The following MACO1 variants were observed in gnomAD, a reference collection of about 807,000 sequenced individuals.
MACO1 encodes macoilin.
In MACO1, 14 loss-of-function variants were observed where a neutral mutation model predicts 78.7. The observed-to-expected ratio is 0.18, with a 90% confidence interval of 0.12 to 0.28. The LOEUF is 0.28. MACO1 is among the 10% of genes least tolerant of loss of function. The pLI, the probability that MACO1 is intolerant of heterozygous loss-of-function variation, is 1.00. For synonymous variants in MACO1, 288 were observed against 291.6 expected (o/e 0.99, Z 0.12); for missense variants, 501 against 799.0 (o/e 0.63, Z 4.50).
chr1:25,457,197 T>A (rs1400920156), intron 5 of MACO1, among the ~76,000 whole-genome samples: 2 of 152,014 alleles, frequency 1.3e-5, no homozygotes, highest in Non-Finnish European at 2.9e-5. Flanking sequence ...CTCAAACTCC[T>A]GGGAGCAAAG....
intron 8 of MACO1, among the ~76,000 whole-genome samples, chr1:25,487,718 C>T (rs944867355): frequency 6.6e-6 from 1 of 152,128 alleles, no homozygotes; most frequent in African/African-American, 2.4e-5. Flanking sequence ...ATGCGTAGCC[C>T]CTCAAAAGTG....
chr1:25,472,061 A>G (rs2043276080), intron 6 of MACO1, among the ~76,000 whole-genome samples: 1 of 152,166 alleles, frequency 6.6e-6, no homozygotes, highest in Non-Finnish European at 1.5e-5. Flanking sequence ...TCAGCCAGGA[A>G]CAGGGAAGAT....
intron 6 of MACO1, among the ~76,000 whole-genome samples, chr1:25,462,996 G>A (rs965240665): frequency 2.0e-5 from 3 of 152,154 alleles, no homozygotes; most frequent in African/African-American, 7.2e-5. Context: ...CAGTGGCAGG[G>A]CTGAATAGCT....
chr1:25,460,612 C>T (rs908260235), intron 6 of MACO1, among the ~76,000 whole-genome samples: 1 of 151,980 alleles, frequency 6.6e-6, no homozygotes, highest in South Asian at 2.1e-4. Context: ...CGCCATGTTG[C>T]CCAGGCTGAC....
At chr1:25,496,322 A>AT (rs979802014) in intron 10 of MACO1, among the ~76,000 whole-genome samples, 2 of 151,820 alleles carry the variant, frequency 1.3e-5, no homozygotes, top group African/African-American at 4.8e-5. Context: ...TAATTTTTGT[A>AT]TTTTTTGTAG....
Position 25,484,260 on chromosome 1 carries a change from G to A in MACO1, c.1299G>A (p.Glu433=). 1 of 1,611,192 alleles carries A rather than the reference G, an allele frequency of 6.2e-7. No individual in the cohort carries two copies. The highest frequency in any genetic ancestry group is 1.1e-5 in the South Asian group (1 of 90,648). The change falls in exon 7 of 11, where the codon GAG becomes GAA. Residue 433 remains glutamate, a synonymous_variant. Coordinates refer to ENST00000374343, the MANE Select transcript of MACO1 (RefSeq NM_018202.6). ...SEMGQLRQEN[E]LLQNKLHNAV... ...TGGGCCAGCTTCGGCAGGAGAACGA[G>A]CTGCTGCAGAACAAGTACGTGCACC... is the stretch of plus-strand genomic sequence containing the variant.
intron 4 of MACO1, 93 bp downstream of exon 4, chr1:25,454,475 T>A: frequency 6.2e-6 from 1 of 160,574 alleles, no homozygotes; most frequent in African/African-American, 3.8e-5. Context: ...TGTGTGTATA[T>A]ATATATATAT....
chr1:25,433,655 G>A (rs775013841), intron 1 of MACO1, among the ~76,000 whole-genome samples: 2 of 152,118 alleles, frequency 1.3e-5, no homozygotes, highest in Non-Finnish European at 2.9e-5. Flanking sequence ...GGTGAAAAGC[G>A]CACTGGACTG....
Position 25,448,858 on chromosome 1 carries a change from C to T in MACO1, c.273C>T (p.Cys91=), listed in dbSNP as rs1296049027. The T allele has an allele frequency of 6.4e-7, 1 of 1,562,998 alleles. No individual in the cohort carries two copies. Among genetic ancestry groups the T allele is most frequent in the South Asian group, 1.2e-5 (1 of 82,104 alleles). The change falls in exon 3 of 11, where the codon TGC becomes TGT. Residue 91 remains cysteine (C), a synonymous_variant. Transcript: ENST00000374343. ...TAGCATTCACGTCAAATATAATATG[C>T]CTGCTGTTCATCCCCATACAGTGGC... The part of the protein sequence containing the change: ...VCVAFTSNII[C]LLFIPIQWLF...
At chr1:25,446,068 A>G (rs1368069183) in intron 1 of MACO1, among the ~76,000 whole-genome samples, 1 of 152,174 alleles carries the variant, frequency 6.6e-6, no homozygotes, top group African/African-American at 2.4e-5. Flanking sequence ...ACACAAGTCC[A>G]GAGGGAACTG....
At chr1:25,473,053 T>C (rs1378595778) in intron 6 of MACO1, among the ~76,000 whole-genome samples, 1 of 152,196 alleles carries the variant, frequency 6.6e-6, no homozygotes, top group East Asian at 1.9e-4. Context: ...GTAAGTTTAG[T>C]GTGTTTTCTG....
chr1:25,461,923 A>G (rs186869693), intron 6 of MACO1, among the ~76,000 whole-genome samples: 31 of 152,304 alleles, frequency 2.0e-4, no homozygotes, highest in African/African-American at 7.2e-4. Flanking sequence ...AAAGAGTTTA[A>G]AAGGAAAAGC....
At chr1:25,455,407 AG>A (rs2043110259) in intron 4 of MACO1, among the ~76,000 whole-genome samples, 1 of 152,234 alleles carries the variant, frequency 6.6e-6, no homozygotes, top group African/African-American at 2.4e-5. Flanking sequence ...CAAAATAAAC[AG>A]TAATCAACTA....
At chr1:25,472,592 A>C (rs1037519007) in intron 6 of MACO1, among the ~76,000 whole-genome samples, 1 of 152,168 alleles carries the variant, frequency 6.6e-6, no homozygotes, top group Non-Finnish European at 1.5e-5. Flanking sequence ...CTTTCTCTCT[A>C]ATGCTACAGA....
In MACO1 at chr1:25,485,568, G is replaced by A; in HGVS notation, c.1314-45G>A. Reference sequence around the variant, plus strand: ...GATGTTTCTCAAGGGTTTATAGTGGGCATTTGTAATTTTAAGACTTTATAT... The same window carrying A: ...GATGTTTCTCAAGGGTTTATAGTGGACATTTGTAATTTTAAGACTTTATAT... On this transcript the variant is annotated intron_variant, in intron 7 of 10. Transcript: ENST00000374343. This position sits in a 1 kb window ranked among gnomAD's most constrained non-coding sequence, Gnocchi z 4.3. 6.3e-7 allele frequency: 1 copy of A among 1,580,864 alleles called. No individual in the cohort carries two copies. Among genetic ancestry groups the A allele is most frequent in the Non-Finnish European group, 8.6e-7 (1 of 1,163,170 alleles).
intron 3 of MACO1, among the ~76,000 whole-genome samples, chr1:25,453,004 A>ATT (rs1246920699): frequency 1.7e-4 from 20 of 118,214 alleles, no homozygotes; most frequent in African/African-American, 3.6e-4. Flanking sequence ...CCTACAGTGA[A>ATT]TTTTTTTTTT....
intron 1 of MACO1, among the ~76,000 whole-genome samples, chr1:25,438,102 A>G (rs560212320): frequency 1.3e-5 from 2 of 152,334 alleles, no homozygotes; most frequent in Admixed American, 1.3e-4. Flanking sequence ...TATAGACCAC[A>G]GAGATATCAA....
At chr1:25,450,166 T>TTGA (rs1201003306) in intron 3 of MACO1, among the ~76,000 whole-genome samples, 4 of 152,214 alleles carry the variant, frequency 2.6e-5, no homozygotes, top group African/African-American at 9.6e-5. Flanking sequence ...CTTTAGAGAT[T>TTGA]TAAAGACACT....
chr1:25,497,270 C>T (rs1267368540), intron 10 of MACO1, among the ~76,000 whole-genome samples: 2 of 151,762 alleles, frequency 1.3e-5, no homozygotes, highest in African/African-American at 4.8e-5. Flanking sequence ...ATCCCAGCTA[C>T]TCAGGAGGCT....
Sources: gnomAD v4.1 joint callset for allele counts (sites outside exome capture counted in the v4.1 genomes callset) on GRCh38, gnomAD v4.1.1 for gene constraint, Gnocchi (gnomAD v3.1) non-coding constraint, MANE v1.5 for transcripts, NCBI Gene and HGNC (gene_info 2026-07-23, HGNC 2026-07-21) for gene names.